Variants in NLGN4X observed in about 807,000 individuals in gnomAD.
NLGN4X encodes the protein neuroligin-4, X-linked.
A neutral mutation model predicts 40.3 loss-of-function variants in NLGN4X; 3 were observed. The observed-to-expected ratio is 0.07, with a 90% CI of 0.03 to 0.19. NLGN4X has a LOEUF of 0.19. NLGN4X is among the 10% of genes least tolerant of loss of function. The pLI is 1.00. For missense variants in NLGN4X, 382 were observed against 708.3 expected, an observed-to-expected ratio of 0.54 and a Z score of 5.23; for synonymous variants, 270 against 306.8, an observed-to-expected ratio of 0.88 and a Z score of 1.25.
intron 3 of NLGN4X, among the ~76,000 whole-genome samples, chrX:5,957,077 C>T (rs1217982177): frequency 9.0e-6 from 1 of 110,982 alleles, no homozygotes; most frequent in Non-Finnish European, 1.9e-5. Context: ...ATGCAACAAT[C>T]GTAGTGGACA....
chrX:6,219,598 T>C (rs1354373670), intron 1 of NLGN4X, among the ~76,000 whole-genome samples: 7 of 105,092 alleles, frequency 6.7e-5, no homozygotes, highest in Non-Finnish European at 1.4e-4. Context: ...CTTCTTTCCT[T>C]CCCTCCCTTC....
chrX:6,030,392 A>ATTGTGTGTGTGTG lies in NLGN4X; in HGVS notation c.473-961_473-960insCACACACACACAA, dbSNP rs56353701. Reference sequence around the variant, plus strand: ...CACGTATAAATATTTCTGGATACAGATATGTGTGTGTGTGTGTGTGTGTGT... The same window carrying ATTGTGTGTGTGTG: ...CACGTATAAATATTTCTGGATACAGATTGTGTGTGTGTGTATGTGTGTGTGTGTGTGTGTGTGT... On this transcript the variant is annotated intron_variant, in intron 2 of 5. Transcript: ENST00000381095. Among the ~76,000 whole-genome samples the ATTGTGTGTGTGTG allele has an allele frequency of 7.3e-3, 496 of 68,275 alleles. 5 individuals are homozygous for ATTGTGTGTGTGTG. The highest frequency in any genetic ancestry group is 0.046 in the African/African-American group (458 of 9,889). The allele number at this position is 68,275 out of a possible 115,157, so 59.3% of individuals were successfully genotyped here. A position where few individuals can be genotyped will look rare whatever the true frequency, so the allele number is the denominator to read the frequency against.
chrX:5,991,633 A>C (rs2035688452), intron 3 of NLGN4X: 1 of 421,456 alleles, frequency 2.4e-6, no homozygotes, highest in Non-Finnish European at 4.4e-6. Flanking sequence ...GAAGACATGA[A>C]GATTACATCC....
intron 1 of NLGN4X, chrX:6,187,530 A>C (rs1922168880): frequency 8.9e-6 from 1 of 112,241 alleles, no homozygotes; most frequent in Non-Finnish European, 1.9e-5. Context: ...GGAGCCCCAC[A>C]GGGAGGAAGT....
At chrX:6,048,154 C>T (rs867800773) in intron 2 of NLGN4X, among the ~76,000 whole-genome samples, 3 of 111,865 alleles carry the variant, frequency 2.7e-5, no homozygotes, top group Non-Finnish European at 5.6e-5. Flanking sequence ...ACGCTACAAA[C>T]ACGCACAATT....
At chrX:6,052,139 C>T (rs1220563761) in intron 2 of NLGN4X, among the ~76,000 whole-genome samples, 1 of 109,434 alleles carries the variant, frequency 9.1e-6, no homozygotes, top group Non-Finnish European at 1.9e-5. Context: ...CAGATTCTGC[C>T]AATACCTGAG....
intron 3 of NLGN4X, among the ~76,000 whole-genome samples, chrX:5,999,029 G>A (rs886706582): frequency 9.9e-5 from 11 of 111,317 alleles, no homozygotes; most frequent in African/African-American, 3.6e-4. Context: ...TTGTACTCAC[G>A]CACTGTCATC....
intron 2 of NLGN4X, among the ~76,000 whole-genome samples, chrX:6,134,930 G>A (rs1472526057): frequency 2.7e-5 from 3 of 112,787 alleles, no homozygotes; most frequent in Non-Finnish European, 5.6e-5. Context: ...GTTCTACAAC[G>A]AAACTCTTCC....
chrX:5,921,030 T>C (rs1159732349), intron 3 of NLGN4X, among the ~76,000 whole-genome samples: 1 of 109,475 alleles, frequency 9.1e-6, no homozygotes, highest in Non-Finnish European at 1.9e-5. Context: ...TTACACTGCC[T>C]TTAGTCCAAA....
At chrX:6,070,186 T>A (rs1021218150) in intron 2 of NLGN4X, among the ~76,000 whole-genome samples, 1 of 111,187 alleles carries the variant, frequency 9.0e-6, no homozygotes, top group Non-Finnish European at 1.9e-5. Flanking sequence ...CTTTTTTTTT[T>A]AATGTAGCTG....
chrX:5,988,262 G>C (rs887294012), intron 3 of NLGN4X, among the ~76,000 whole-genome samples: 7 of 111,753 alleles, frequency 6.3e-5, no homozygotes, highest in African/African-American at 2.0e-4. Flanking sequence ...CCATCCTCAG[G>C]TCTATAGCAT....
At chrX:5,933,325 T>C (rs2033620348) in intron 3 of NLGN4X, among the ~76,000 whole-genome samples, 1 of 111,620 alleles carries the variant, frequency 9.0e-6, no homozygotes, top group Non-Finnish European at 1.9e-5. Context: ...AAAAATCATA[T>C]ATGGATAATA....
At chrX:5,960,975 G>A (rs1350472168) in intron 3 of NLGN4X, among the ~76,000 whole-genome samples, 1 of 110,306 alleles carries the variant, frequency 9.1e-6, no homozygotes, top group Non-Finnish European at 1.9e-5. Flanking sequence ...CAGACCTCGG[G>A]GGGAGAATTT....
intron 3 of NLGN4X, among the ~76,000 whole-genome samples, chrX:5,997,611 T>C (rs6639565): frequency 3.0e-4 from 4 of 13,204 alleles, no homozygotes; most frequent in Non-Finnish European, 5.4e-4. Flanking sequence ...CATATATATA[T>C]ACACATATAT....
chrX:5,933,720 T>A (rs1427649560), intron 3 of NLGN4X, among the ~76,000 whole-genome samples: 2 of 111,579 alleles, frequency 1.8e-5, no homozygotes, highest in Admixed American at 9.6e-5. Flanking sequence ...AGTAACTAAA[T>A]TGAACATATA....
intron 4 of NLGN4X, among the ~76,000 whole-genome samples, chrX:5,904,777 T>C (rs951522924): frequency 1.8e-5 from 2 of 112,185 alleles, no homozygotes; most frequent in Admixed American, 1.9e-4. Context: ...TTTCCGTGAA[T>C]CCCAGCCCGA....
chrX:6,170,744 A>G (rs960106205), intron 1 of NLGN4X, among the ~76,000 whole-genome samples: 6 of 112,127 alleles, frequency 5.4e-5, no homozygotes, highest in Admixed American at 9.4e-5. Flanking sequence ...GTAATAGTTT[A>G]TGCTATTTTT....
At chrX:6,207,726 A>C (rs184660761) in intron 1 of NLGN4X, among the ~76,000 whole-genome samples, 10 of 112,228 alleles carry the variant, frequency 8.9e-5, no homozygotes, top group African/African-American at 2.9e-4. Context: ...AAATGAAATG[A>C]GGCTTATTGC....
intron 1 of NLGN4X, among the ~76,000 whole-genome samples, chrX:6,197,589 T>C (rs1035444503): frequency 9.1e-6 from 1 of 110,365 alleles, no homozygotes; most frequent in African/African-American, 3.3e-5. Context: ...CATTTTATAA[T>C]CTAAGTTGTC....
Sources: gnomAD v4.1 joint callset for allele counts (sites outside exome capture counted in the v4.1 genomes callset) on GRCh38, gnomAD v4.1.1 for gene constraint, MANE v1.5 for transcripts, NCBI Gene and HGNC (gene_info 2026-07-23, HGNC 2026-07-21) for gene names.